FSTL5: variants seen among roughly 807,000 people sequenced by gnomAD.
FSTL5 encodes the protein follistatin like 5.
A neutral mutation model predicts 89.1 loss-of-function variants in FSTL5; 62 were observed. The observed-to-expected ratio is 0.70, with a 90% confidence interval of 0.57 to 0.86. The LOEUF is 0.86. Among genes scored for constraint, FSTL5 ranks in the 40% least tolerant of loss-of-function variants. FSTL5 has a pLI of 0.00. For missense variants in FSTL5, 1,057 were observed against 1,001.6 expected, an observed-to-expected ratio of 1.06 and a Z score of -0.75; for synonymous variants, 383 against 346.2, an observed-to-expected ratio of 1.11 and a Z score of -1.18.
chr4:161,653,304 C>T (rs889429189), intron 7 of FSTL5, among the ~76,000 whole-genome samples: 3 of 152,104 alleles, frequency 2.0e-5, no homozygotes, highest in Non-Finnish European at 4.4e-5. Flanking sequence ...ACTTTTGTCA[C>T]CGTTGTCTTT....
chr4:161,876,043 C>A lies in FSTL5; in HGVS notation c.409+44361G>T, dbSNP rs1732431168. On this transcript the variant is annotated intron_variant, in intron 4 of 15. Coordinates refer to ENST00000306100, the MANE Select transcript of FSTL5 (RefSeq NM_020116.5). ...TCTTCTCATTTCTAGTATAACAACACTCATAAAGATGTAAAGATATAAAAT... is the reference window on the plus strand; with the variant it reads ...TCTTCTCATTTCTAGTATAACAACAATCATAAAGATGTAAAGATATAAAAT... 3.9e-5 allele frequency among the ~76,000 whole-genome samples: 6 copies of A among 152,108 alleles called. No homozygotes were observed. The South Asian group carries it at 1.2e-3, about 31-fold the overall frequency.
chr4:161,739,853 A>T (rs1419636998), intron 6 of FSTL5, among the ~76,000 whole-genome samples: 1 of 34,320 alleles, frequency 2.9e-5, no homozygotes, highest in East Asian at 1.4e-3. Context: ...CCACAGAAGT[A>T]AAAAAAAAAA....
At chr4:161,508,212 T>C (rs1730542925) in intron 11 of FSTL5, among the ~76,000 whole-genome samples, 1 of 152,120 alleles carries the variant, frequency 6.6e-6, no homozygotes, top group Non-Finnish European at 1.5e-5. Flanking sequence ...TATTAGTACA[T>C]GAAATCATTT....
intron 6 of FSTL5, among the ~76,000 whole-genome samples, chr4:161,707,608 A>AT (rs1406113675): frequency 1.3e-5 from 2 of 151,738 alleles, no homozygotes; most frequent in African/African-American, 4.8e-5. Context: ...TTTTCTTCCA[A>AT]TTTTTTCACG....
chr4:161,710,678 A>G (rs1579039718), intron 6 of FSTL5, among the ~76,000 whole-genome samples: 1 of 152,336 alleles, frequency 6.6e-6, no homozygotes, highest in South Asian at 2.1e-4. Context: ...AAAGAAAAAA[A>G]TATCCCATTG....
chr4:161,408,202 C>T (rs1221293939), intron 15 of FSTL5, among the ~76,000 whole-genome samples: 1 of 152,188 alleles, frequency 6.6e-6, no homozygotes, highest in Admixed American at 6.5e-5. Context: ...CAGAACACAA[C>T]TTCAAATGCA....
At chr4:161,872,135 TTTTTG>T (rs1222065090) in intron 4 of FSTL5, among the ~76,000 whole-genome samples, 2 of 99,638 alleles carry the variant, frequency 2.0e-5, no homozygotes, top group East Asian at 3.7e-4. Flanking sequence ...TTTGTTTTTT[TTTTTG>T]GTTTTTTTTT....
chr4:161,922,673 T>A (rs1406609590), intron 3 of FSTL5, among the ~76,000 whole-genome samples: 1 of 151,924 alleles, frequency 6.6e-6, no homozygotes, highest in Non-Finnish European at 1.5e-5. Context: ...TCCTAACTTA[T>A]AATTAAAATA....
chr4:161,450,140 G>T (rs532582148), intron 15 of FSTL5, among the ~76,000 whole-genome samples: 298 of 152,206 alleles, frequency 2.0e-3, no homozygotes, highest in Non-Finnish European at 3.4e-3. Context: ...AAATTTCATG[G>T]AAATTACTCA....
intron 7 of FSTL5, among the ~76,000 whole-genome samples, chr4:161,642,817 G>C (rs1435248176): frequency 6.6e-6 from 1 of 151,976 alleles, no homozygotes; most frequent in Non-Finnish European, 1.5e-5. Flanking sequence ...GGGCATTTGT[G>C]TTTCATGGGT....
chr4:161,643,063 G>C (rs1560766243), intron 7 of FSTL5, among the ~76,000 whole-genome samples: 1 of 152,120 alleles, frequency 6.6e-6, no homozygotes, highest in African/African-American at 2.4e-5. Context: ...CTAAATACAT[G>C]AGTTAATATT....
At chr4:162,118,361 C>T (rs374038578) in intron 1 of FSTL5, among the ~76,000 whole-genome samples, 3 of 152,064 alleles carry the variant, frequency 2.0e-5, no homozygotes, top group African/African-American at 7.2e-5. Flanking sequence ...TGCGGGTTCA[C>T]GCCATTCTCC....
At chr4:161,505,154 G>GA (rs925044058) in intron 11 of FSTL5, among the ~76,000 whole-genome samples, 8 of 152,036 alleles carry the variant, frequency 5.3e-5, no homozygotes, top group Non-Finnish European at 1.2e-4. Flanking sequence ...AAATATGGAA[G>GA]AAATCTCCCA....
At chr4:161,491,843 A>T (rs1729886586) in intron 12 of FSTL5, among the ~76,000 whole-genome samples, 1 of 148,952 alleles carries the variant, frequency 6.7e-6, no homozygotes, top group Non-Finnish European at 1.5e-5. Flanking sequence ...CTGTCTCAAA[A>T]AAAAAAAAAA....
At position 162,098,323 on chromosome 4, in the gene FSTL5, C is replaced by T. The variant is rs72982661; in HGVS notation, c.126+12948G>A. On this transcript the variant is annotated intron_variant, in intron 2 of 15. Coordinates refer to ENST00000306100, the MANE Select transcript of FSTL5 (RefSeq NM_020116.5). ...TTGGTTGCCCTAGAAGAAATGGAAG[C>T]GGAGATTGATAGAGAAAAGGCCTGA... Among the ~76,000 whole-genome samples the T allele has an allele frequency of 4.3e-3, 652 of 151,802 alleles. 1 individual carries two copies. Among genetic ancestry groups the T allele is most frequent in the African/African-American group, 0.014 (583 of 41,462 alleles).
intron 15 of FSTL5, among the ~76,000 whole-genome samples, chr4:161,401,736 C>T (rs6855870): frequency 0.028 from 4,191 of 152,032 alleles, 186 homozygotes; most frequent in African/African-American, 0.095. Context: ...ACCGTGTTAG[C>T]CAGGATGGTC....
chr4:161,543,956 C>T (rs948054824), intron 8 of FSTL5, among the ~76,000 whole-genome samples: 5 of 151,708 alleles, frequency 3.3e-5, no homozygotes, highest in African/African-American at 1.2e-4. Flanking sequence ...ATAAACACAA[C>T]CCACAAAATA....
intron 15 of FSTL5, among the ~76,000 whole-genome samples, chr4:161,432,681 A>ATTATTTCTATTCTACTAATTTT (rs1732418401): frequency 6.6e-6 from 1 of 151,770 alleles, no homozygotes; most frequent in Non-Finnish European, 1.5e-5. Context: ...ACAAATCTTT[A>ATTATTTCTATTCTACTAATTTT]GCCAGATTAG....
At chr4:161,660,954 TTTGTAATAGGATAATTAATATTGTA>T (rs1174028947) in intron 6 of FSTL5, among the ~76,000 whole-genome samples, 24 of 152,178 alleles carry the variant, frequency 1.6e-4, no homozygotes, top group Non-Finnish European at 2.5e-4. Flanking sequence ...TGCATGTGTC[TTTGTAATAGGATAATTAATATTGTA>T]TTGTAATAGG....
Sources: gnomAD v4.1 joint callset for allele counts (sites outside exome capture counted in the v4.1 genomes callset) on GRCh38, gnomAD v4.1.1 for gene constraint, MANE v1.5 for transcripts, NCBI Gene and HGNC (gene_info 2026-07-23, HGNC 2026-07-21) for gene names.